HS6ST3: variants seen among roughly 807,000 people sequenced by gnomAD.
HS6ST3 encodes heparan-sulfate 6-O-sulfotransferase 3.
In HS6ST3, 12 loss-of-function variants were observed where a neutral mutation model predicts 36.7. The observed-to-expected ratio is 0.33, with a 90% CI of 0.21 to 0.53. HS6ST3 has a LOEUF of 0.53. Ranked by LOEUF, HS6ST3 falls within the 20% of genes least tolerant of loss-of-function variation. HS6ST3 has a pLI of 0.95. For missense variants in HS6ST3, 584 were observed against 640.9 expected, an observed-to-expected ratio of 0.91 and a Z score of 0.96; for synonymous variants, 240 against 257.5, an observed-to-expected ratio of 0.93 and a Z score of 0.65.
At chr13:96,359,684 G>T (rs1368734295) in intron 1 of HS6ST3, among the ~76,000 whole-genome samples, 1 of 152,088 alleles carries the variant, frequency 6.6e-6, no homozygotes, top group Non-Finnish European at 1.5e-5. Flanking sequence ...GTCATGTAGG[G>T]CCTTGGGGAA....
At chr13:96,825,433 G>A (rs774117117) in intron 1 of HS6ST3, among the ~76,000 whole-genome samples, 1 of 152,110 alleles carries the variant, frequency 6.6e-6, no homozygotes, top group Admixed American at 6.6e-5. Context: ...AAGTAGCATA[G>A]AGAAAGCTGA....
intron 1 of HS6ST3, among the ~76,000 whole-genome samples, chr13:96,415,361 C>T (rs975379062): frequency 1.3e-5 from 2 of 152,230 alleles, no homozygotes; most frequent in Non-Finnish European, 2.9e-5. Flanking sequence ...CAGCATAATA[C>T]AACTCTAAAG....
chr13:96,593,747 C>T (rs1216106081), intron 1 of HS6ST3, among the ~76,000 whole-genome samples: 1 of 151,854 alleles, frequency 6.6e-6, no homozygotes, highest in Middle Eastern at 3.2e-3. Flanking sequence ...ATAATATCCT[C>T]TTGCTGAATT....
At chr13:96,755,880 A>G (rs572099609) in intron 1 of HS6ST3, among the ~76,000 whole-genome samples, 1 of 152,318 alleles carries the variant, frequency 6.6e-6, no homozygotes, top group South Asian at 2.1e-4. Flanking sequence ...GTCATACAGT[A>G]GGTGAGTATT....
At chr13:96,412,863 A>G (rs1266475804) in intron 1 of HS6ST3, among the ~76,000 whole-genome samples, 1 of 150,270 alleles carries the variant, frequency 6.7e-6, no homozygotes, top group Non-Finnish European at 1.5e-5. Context: ...ATTTATATAT[A>G]AAAACATATA....
At position 96,317,374 on chromosome 13, in the gene HS6ST3, A is replaced by T. The variant is rs1167654072; in HGVS notation, c.707+225805A>T. 2.3e-3 allele frequency among the ~76,000 whole-genome samples: 7 copies of T among 3,052 alleles called. No homozygotes were observed. In the South Asian group the frequency reaches 0.036, roughly 16 times the overall value. The allele number at this position is 3,052 out of a possible 152,430, so 2.0% of individuals were successfully genotyped here. On this transcript the variant is annotated intron_variant, in intron 1 of 1. Coordinates refer to ENST00000376705, the MANE Select transcript of HS6ST3 (RefSeq NM_153456.4). ...TATATATATATATATATATAAAATT[A>T]TATATATATATATATATATATCATG...
At chr13:96,465,321 GA>G (rs2055806768) in intron 1 of HS6ST3, among the ~76,000 whole-genome samples, 1 of 152,080 alleles carries the variant, frequency 6.6e-6, no homozygotes, top group African/African-American at 2.4e-5. Flanking sequence ...ACAGAATATG[GA>G]AACAACAACC....
intron 1 of HS6ST3, among the ~76,000 whole-genome samples, chr13:96,783,679 T>G (rs1877577006): frequency 1.3e-5 from 2 of 151,820 alleles, no homozygotes; most frequent in South Asian, 4.2e-4. Flanking sequence ...TGTTAGGCAA[T>G]TTGAGACAAT....
At chr13:96,675,383 T>C (rs1312233332) in intron 1 of HS6ST3, among the ~76,000 whole-genome samples, 2 of 152,076 alleles carry the variant, frequency 1.3e-5, no homozygotes, top group Admixed American at 1.3e-4. Context: ...ATTTATGTCA[T>C]ATTTATATAT....
intron 1 of HS6ST3, among the ~76,000 whole-genome samples, chr13:96,331,571 C>T (rs1288300762): frequency 6.6e-6 from 1 of 151,896 alleles, no homozygotes; most frequent in Non-Finnish European, 1.5e-5. Flanking sequence ...GGGAGAACCA[C>T]TGCTCTCTTC....
At chr13:96,697,146 T>A (rs1875151559) in intron 1 of HS6ST3, among the ~76,000 whole-genome samples, 1 of 151,284 alleles carries the variant, frequency 6.6e-6, no homozygotes, top group Non-Finnish European at 1.5e-5. Flanking sequence ...CATGGAGATT[T>A]TATATATATA....
chr13:96,281,164 C>T (rs954657600), intron 1 of HS6ST3, among the ~76,000 whole-genome samples: 4 of 152,116 alleles, frequency 2.6e-5, no homozygotes, highest in Admixed American at 1.3e-4. Context: ...CGCCACCACA[C>T]CCAGCTAATT....
chr13:96,621,659 A>G (rs1485914505), intron 1 of HS6ST3, among the ~76,000 whole-genome samples: 1 of 152,154 alleles, frequency 6.6e-6, no homozygotes, highest in Admixed American at 6.5e-5. Flanking sequence ...TTACAGACTA[A>G]TTGTCCTAAT....
Position 96,091,257 on chromosome 13 carries a change from A to G in HS6ST3, c.395A>G (p.Lys132Arg), listed in dbSNP as rs202155118. The change falls in exon 1 of 2, where the codon AAG becomes AGG. Residue 132 changes from lysine to arginine, a missense_variant. Coordinates refer to ENST00000376705, the MANE Select transcript of HS6ST3 (RefSeq NM_153456.4). ...RFVPRFNFSL[K>R]DLTRFVDFNI... is the part of the protein sequence containing the mutation. Reference sequence around the variant, plus strand: ...GTGCCGCGCTTCAACTTCAGCCTGAAGGACCTGACCCGCTTCGTGGATTTC... The same window carrying G: ...GTGCCGCGCTTCAACTTCAGCCTGAGGGACCTGACCCGCTTCGTGGATTTC... 1.7e-4 allele frequency: 269 copies of G among 1,608,708 alleles called. No homozygotes were observed. Among genetic ancestry groups the G allele is most frequent in the African/African-American group, 1.3e-5 (1 of 74,820 alleles).
rs141523088 is a variant in HS6ST3, at chr13:96,446,498, A to G, written c.707+354929A>G. 1.7e-3 allele frequency among the ~76,000 whole-genome samples: 259 copies of G among 152,324 alleles called. 1 individual carries two copies. Among genetic ancestry groups the G allele is most frequent in the African/African-American group, 6.1e-3 (253 of 41,582 alleles). ...GTGGGAGTATTTTTCCCCTCTCACAATGATAGGAGAAAATAATTGGCAGGA... is the reference window on the plus strand; with the variant it reads ...GTGGGAGTATTTTTCCCCTCTCACAGTGATAGGAGAAAATAATTGGCAGGA... On this transcript the variant is annotated intron_variant, in intron 1 of 1. Coordinates refer to ENST00000376705, the MANE Select transcript of HS6ST3 (RefSeq NM_153456.4).
intron 1 of HS6ST3, among the ~76,000 whole-genome samples, chr13:96,757,152 A>AAC (rs1332192380): frequency 3.3e-5 from 5 of 152,202 alleles, no homozygotes; most frequent in Admixed American, 1.3e-4. Context: ...AATGAAAAGA[A>AAC]ACACTCCACA....
At chr13:96,149,981 C>T (rs749201275) in intron 1 of HS6ST3, among the ~76,000 whole-genome samples, 13 of 152,050 alleles carry the variant, frequency 8.5e-5, no homozygotes, top group African/African-American at 1.7e-4. Flanking sequence ...GGTTGGTGAG[C>T]GGGACGGAGG....
At chr13:96,095,836 T>G (rs528546630) in intron 1 of HS6ST3, among the ~76,000 whole-genome samples, 1 of 150,604 alleles carries the variant, frequency 6.6e-6, no homozygotes, top group East Asian at 2.0e-4. Flanking sequence ...CTGACTCACC[T>G]TGTATCACAG....
At chr13:96,796,457 G>A (rs1279375249) in intron 1 of HS6ST3, among the ~76,000 whole-genome samples, 2 of 152,200 alleles carry the variant, frequency 1.3e-5, no homozygotes, top group Admixed American at 6.5e-5. Flanking sequence ...GTAGGAGGAA[G>A]CACTGTTCAA....
Sources: allele counts gnomAD v4.1 joint callset (sites outside exome capture counted in the v4.1 genomes callset), GRCh38; gene constraint gnomAD v4.1.1; transcripts MANE v1.5; gene names NCBI Gene and HGNC (gene_info 2026-07-23, HGNC 2026-07-21).